TBCD: variants seen among roughly 807,000 people sequenced by gnomAD.
TBCD encodes tubulin folding cofactor D.
A neutral mutation model predicts 169.3 loss-of-function variants in TBCD; 105 were observed. That is an observed-to-expected ratio of 0.62 (90% CI 0.53 to 0.73). The LOEUF is 0.73. TBCD is among the 30% of genes least tolerant of loss of function. The pLI is 0.00. For missense variants in TBCD, 1,444 were observed against 1,600.1 expected (o/e 0.90, Z 1.66); for synonymous variants, 700 against 643.9 (o/e 1.09, Z -1.32).
chr17:82,779,704 A>G (rs931504769), intron 6 of TBCD, among the ~76,000 whole-genome samples: 1 of 152,048 alleles, frequency 6.6e-6, no homozygotes, highest in Non-Finnish European at 1.5e-5. Context: ...GGCCAACTAG[A>G]TGGATGTGCT....
At chr17:82,907,485 C>T (rs1199783313) in intron 20 of TBCD, among the ~76,000 whole-genome samples, 1 of 152,166 alleles carries the variant, frequency 6.6e-6, no homozygotes, top group African/African-American at 2.4e-5. Flanking sequence ...GAGTTTGAGA[C>T]CAGCCTGGGC....
intron 9 of TBCD, among the ~76,000 whole-genome samples, chr17:82,804,645 G>A (rs565032859): frequency 3.9e-5 from 6 of 152,194 alleles, no homozygotes; most frequent in Admixed American, 1.3e-4. Context: ...GGGCCCCTCC[G>A]CAGGGCAGTG....
At chr17:82,854,443 C>G (rs1225819838) in intron 13 of TBCD, among the ~76,000 whole-genome samples, 1 of 152,238 alleles carries the variant, frequency 6.6e-6, no homozygotes, top group East Asian at 1.9e-4. Flanking sequence ...TTATGAGGCT[C>G]CACATGGGCG....
intron 18 of TBCD, among the ~76,000 whole-genome samples, chr17:82,902,323 A>T (rs1223202629): frequency 6.6e-6 from 1 of 152,152 alleles, no homozygotes; most frequent in Non-Finnish European, 1.5e-5. Context: ...TATTTAGTTT[A>T]TGTAACCCTT....
At chr17:82,859,345 A>G (rs1451579807) in intron 13 of TBCD, among the ~76,000 whole-genome samples, 1 of 143,956 alleles carries the variant, frequency 6.9e-6, no homozygotes, top group Non-Finnish European at 1.5e-5. Context: ...TGTCCTCCCT[A>G]CACTGACACA....
In TBCD at chr17:82,831,675, C is replaced by A; in HGVS notation, c.1318+16741C>A. The A allele has an allele frequency of 1.9e-6, 3 of 1,614,054 alleles. No homozygotes were observed. The highest frequency in any genetic ancestry group is 2.7e-5 in the African/African-American group (2 of 74,974). ...CACACTCAGGCGAGCTCCCAGCCAG[C>A]AGGTAAGGCGAGTAGATGGTGGCCA... On this transcript the variant is annotated intron_variant, in intron 13 of 38. Coordinates refer to ENST00000355528, the MANE Select transcript of TBCD (RefSeq NM_005993.5). The surrounding 1 kb of genome is among the most constrained non-coding windows in gnomAD (Gnocchi z 4.6).
intron 13 of TBCD, among the ~76,000 whole-genome samples, chr17:82,856,826 G>A (rs1374258204): frequency 1.5e-5 from 2 of 135,656 alleles, no homozygotes; most frequent in African/African-American, 5.7e-5. Flanking sequence ...GCTGGACCGC[G>A]TGCGGACCCT....
At position 82,920,167 on chromosome 17, in the gene TBCD, T is replaced by A. The variant is rs533348358; in HGVS notation, c.2039-389T>A. Among the ~76,000 whole-genome samples the A allele has an allele frequency of 2.0e-5, 3 of 152,332 alleles. No individual in the cohort carries two copies. The South Asian group carries it at 6.2e-4, about 32-fold the overall frequency. Reference sequence around the variant, plus strand: ...CTGTGGTCTGGAGCATTGCAGGTGATGGCTGTCTGTCGCTTGGGTCCTGAG... The same window carrying A: ...CTGTGGTCTGGAGCATTGCAGGTGAAGGCTGTCTGTCGCTTGGGTCCTGAG... On this transcript the variant is annotated intron_variant, in intron 23 of 38. Transcript: ENST00000355528. This position sits in a 1 kb window ranked among gnomAD's most constrained non-coding sequence, Gnocchi z 4.1.
At chr17:82,804,547 G>T (rs920222917) in intron 9 of TBCD, among the ~76,000 whole-genome samples, 12 of 152,246 alleles carry the variant, frequency 7.9e-5, no homozygotes, top group Non-Finnish European at 1.6e-4. Flanking sequence ...TTGCTGGGGG[G>T]TGTGCTTCCA....
chr17:82,797,243 C>T (rs912526210), intron 7 of TBCD, among the ~76,000 whole-genome samples: 2 of 152,126 alleles, frequency 1.3e-5, no homozygotes, highest in Non-Finnish European at 2.9e-5. Context: ...TCCGTGTGTG[C>T]GCATCGTGGG....
chr17:82,822,133 T>G (rs1034737056), intron 13 of TBCD, among the ~76,000 whole-genome samples: 1 of 152,198 alleles, frequency 6.6e-6, no homozygotes, highest in Non-Finnish European at 1.5e-5. Context: ...ACTGTCATGT[T>G]TTTCTCTCTG....
intron 8 of TBCD, among the ~76,000 whole-genome samples, chr17:82,799,509 G>A (rs1241681023): frequency 7.0e-6 from 1 of 143,206 alleles, no homozygotes; most frequent in Non-Finnish European, 1.5e-5. Flanking sequence ...TTTTTTGAAA[G>A]TTTTTCATTA....
chr17:82,830,067 A>G, intron 13 of TBCD: 1 of 1,598,340 alleles, frequency 6.3e-7, no homozygotes, highest in Non-Finnish European at 8.5e-7. Context: ...GTGCCAGTTC[A>G]GAGGTGTTGT....
chr17:82,833,746 G>C lies in TBCD; in HGVS notation c.1318+18812G>C, dbSNP rs1474208204. On this transcript the variant is annotated intron_variant, in intron 13 of 38. Transcript: ENST00000355528. The surrounding 1 kb of genome is among the most constrained non-coding windows in gnomAD (Gnocchi z 4.7). ...GATGGTTGGGTCATGGGAGGAAGCTGTCCTGGCCCTTAACCTTTAGGGAGT... is the reference window on the plus strand; with the variant it reads ...GATGGTTGGGTCATGGGAGGAAGCTCTCCTGGCCCTTAACCTTTAGGGAGT... 2.0e-5 allele frequency among the ~76,000 whole-genome samples: 3 copies of C among 152,170 alleles called. No homozygotes were observed. In the East Asian group the frequency reaches 5.8e-4, roughly 29 times the overall value.
Position 82,907,721 on chromosome 17 carries a change from T to C in TBCD, c.1923-40T>C. On this transcript the variant is annotated intron_variant, in intron 20 of 38. Transcript: ENST00000355528. ...CCGAGTGTACTCGGGGTTAGGGTCTTGGGGAGTGTGACTTCAGCTCTGTGT... is the reference window on the plus strand; with the variant it reads ...CCGAGTGTACTCGGGGTTAGGGTCTCGGGGAGTGTGACTTCAGCTCTGTGT... The C allele has an allele frequency of 1.9e-6, 3 of 1,611,416 alleles. No homozygotes were observed. In the Middle Eastern group the frequency reaches 5.0e-4, roughly 266 times the overall value.
At chr17:82,765,574 C>T (rs921594667) in intron 3 of TBCD, among the ~76,000 whole-genome samples, 33 of 152,160 alleles carry the variant, frequency 2.2e-4, no homozygotes, top group Admixed American at 3.3e-4. Flanking sequence ...AGTCCTTGGC[C>T]AGCGAGAGGA....
rs1014108505 is a variant in TBCD at position 82,896,453 on chromosome 17, G to GTTT, written c.1649+2843_1649+2845dup. Reference sequence around the variant, plus strand: ...CCAGAGCTGGGTGGCTGTGCTGTCAGTTTTTTTTTTTTTTTTTTTTTTTTC... The same window carrying GTTT: ...CCAGAGCTGGGTGGCTGTGCTGTCAGTTTTTTTTTTTTTTTTTTTTTTTTTTTC... On this transcript the variant is annotated intron_variant, in intron 17 of 38. Transcript: ENST00000355528. Among the ~76,000 whole-genome samples the GTTT allele has an allele frequency of 7.8e-3, 711 of 91,438 alleles. 8 individuals are homozygous for GTTT. The highest frequency in any genetic ancestry group is 0.025 in the African/African-American group (558 of 22,448). The allele number at this position is 91,438 out of a possible 152,430, so 60.0% of individuals were successfully genotyped here.
chr17:82,794,671 C>G (rs2049978279), intron 7 of TBCD, among the ~76,000 whole-genome samples: 1 of 152,224 alleles, frequency 6.6e-6, no homozygotes, highest in Admixed American at 6.5e-5. Flanking sequence ...ACACTGCACA[C>G]TTTCTCTGGT....
At chr17:82,891,120 A>G (rs55642464) in intron 16 of TBCD, among the ~76,000 whole-genome samples, 7,602 of 152,260 alleles carry the variant, frequency 0.05, 647 homozygotes, top group African/African-American at 0.17. Flanking sequence ...CCGGGTTCCC[A>G]GATGCTGCTT....
Sources: gnomAD v4.1 joint callset for allele counts (sites outside exome capture counted in the v4.1 genomes callset) on GRCh38, gnomAD v4.1.1 for gene constraint, Gnocchi (gnomAD v3.1) non-coding constraint, MANE v1.5 for transcripts, NCBI Gene and HGNC (gene_info 2026-07-23, HGNC 2026-07-21) for gene names.